Variants in PRR5L observed in about 807,000 individuals in gnomAD.
The protein encoded by PRR5L is proline-rich protein 5-like.
A neutral mutation model predicts 36.4 loss-of-function variants in PRR5L; 21 were observed. The observed-to-expected ratio is 0.58, with a 90% CI of 0.41 to 0.83. PRR5L has a LOEUF of 0.83. Ranked by LOEUF, PRR5L falls within the 40% of genes least tolerant of loss-of-function variation. The pLI is 0.00. For synonymous variants in PRR5L, 188 were observed against 197.0 expected (o/e 0.95, Z 0.38); for missense variants, 381 against 473.3 (o/e 0.80, Z 1.81).
In PRR5L at chr11:36,464,220, C is replaced by A. The variant is rs1410052098; in HGVS notation, c.*1484C>A. 1 of 152,124 alleles carries A rather than the reference C, an allele frequency of 6.6e-6. No individual in the cohort carries two copies. 9.4% of individuals were successfully genotyped at this position (152,124 alleles called of 1,614,324 possible). On this transcript the variant is annotated 3_prime_UTR_variant, in exon 9 of 9. Coordinates refer to ENST00000530639, the MANE Select transcript of PRR5L (RefSeq NM_001160167.2). ...AAAAAGACAAGGCTCCCCCTCTGAC[C>A]CTTCCTGTTGGTATTTATGAAATCT...
chr11:36,458,586 C>T (rs952962174), intron 8 of PRR5L, among the ~76,000 whole-genome samples: 3 of 152,234 alleles, frequency 2.0e-5, no homozygotes, highest in Non-Finnish European at 4.4e-5. Context: ...ACACACACAA[C>T]AGTCCGATGA....
intron 3 of PRR5L, among the ~76,000 whole-genome samples, chr11:36,417,412 C>G (rs1858167792): frequency 6.6e-6 from 1 of 152,220 alleles, no homozygotes; most frequent in South Asian, 2.1e-4. Flanking sequence ...AGAGACATGT[C>G]TAGCCTCTGC....
At chr11:36,335,438 T>C (rs1339284365) in intron 1 of PRR5L, among the ~76,000 whole-genome samples, 1 of 152,058 alleles carries the variant, frequency 6.6e-6, no homozygotes, top group Non-Finnish European at 1.5e-5. Flanking sequence ...TGGGGGGTAA[T>C]GTGAAATGAG....
chr11:36,378,870 T>G (rs192750922), intron 1 of PRR5L, among the ~76,000 whole-genome samples: 30 of 152,322 alleles, frequency 2.0e-4, no homozygotes, highest in Non-Finnish European at 7.3e-5. Flanking sequence ...TTTAAGTAAT[T>G]TGTCTAAAGC....
At chr11:36,458,786 G>C (rs1358892832) in intron 8 of PRR5L, among the ~76,000 whole-genome samples, 1 of 152,234 alleles carries the variant, frequency 6.6e-6, no homozygotes, top group Admixed American at 6.5e-5. Flanking sequence ...AGCATGGTTT[G>C]CTTTCCTCTT....
intron 1 of PRR5L, among the ~76,000 whole-genome samples, chr11:36,356,417 G>C (rs1184670700): frequency 6.6e-6 from 1 of 152,102 alleles, no homozygotes; most frequent in Non-Finnish European, 1.5e-5. Context: ...CAAGGGAGTT[G>C]AGGGAAGTGA....
At chr11:36,404,802 A>G (rs1857875771) in intron 3 of PRR5L, among the ~76,000 whole-genome samples, 1 of 152,182 alleles carries the variant, frequency 6.6e-6, no homozygotes, top group Non-Finnish European at 1.5e-5. Flanking sequence ...TGAATTTCAC[A>G]TCTTACTTAC....
chr11:36,347,011 T>C (rs955685341), intron 1 of PRR5L, among the ~76,000 whole-genome samples: 7 of 152,262 alleles, frequency 4.6e-5, no homozygotes, highest in Admixed American at 4.6e-4. Flanking sequence ...TCAGATTTTG[T>C]CTACCAGTCA....
At chr11:36,410,656 T>A (rs575948732) in intron 3 of PRR5L, among the ~76,000 whole-genome samples, 6 of 152,340 alleles carry the variant, frequency 3.9e-5, no homozygotes, top group Admixed American at 2.0e-4. Context: ...TTCTCACTAT[T>A]CCCACTGCCA....
intron 5 of PRR5L, 143 bp from the exon 6 acceptor site, chr11:36,437,242 C>A: frequency 1.3e-6 from 1 of 751,148 alleles, no homozygotes; most frequent in South Asian, 1.4e-5. Flanking sequence ...CCTCTGCTCT[C>A]TGGGCTTTAA....
intron 1 of PRR5L, among the ~76,000 whole-genome samples, chr11:36,380,812 T>C (rs1380689908): frequency 2.0e-5 from 3 of 152,156 alleles, no homozygotes; most frequent in Non-Finnish European, 4.4e-5. Context: ...TCCCCCCCTT[T>C]TAAAAAATAT....
intron 1 of PRR5L, among the ~76,000 whole-genome samples, chr11:36,307,432 T>C (rs542220381): frequency 6.6e-6 from 1 of 152,314 alleles, no homozygotes; most frequent in South Asian, 2.1e-4. Context: ...AATGAGGACA[T>C]AGGGCAAGCT....
chr11:36,296,950 G>A (rs1213647787), intron 1 of PRR5L, among the ~76,000 whole-genome samples: 1 of 152,032 alleles, frequency 6.6e-6, no homozygotes, highest in African/African-American at 2.4e-5. Context: ...AATAAACCAA[G>A]GTCATCACAA....
At chr11:36,402,082 C>A (rs371103321) in intron 2 of PRR5L, among the ~76,000 whole-genome samples, 1 of 152,176 alleles carries the variant, frequency 6.6e-6, no homozygotes, top group African/African-American at 2.4e-5. Flanking sequence ...GTCTAGCCAA[C>A]CTTTTGTGCA....
chr11:36,357,297 C>T (rs1857038100), intron 1 of PRR5L, among the ~76,000 whole-genome samples: 1 of 152,204 alleles, frequency 6.6e-6, no homozygotes, highest in Non-Finnish European at 1.5e-5. Context: ...GTCTCCATTA[C>T]ATAAAAGTGC....
chr11:36,384,522 A>C (rs996108890), intron 1 of PRR5L, among the ~76,000 whole-genome samples: 1 of 152,030 alleles, frequency 6.6e-6, no homozygotes, highest in African/African-American at 2.4e-5. Context: ...TGGAATCATT[A>C]CCTCCATGAA....
At chr11:36,350,998 A>ATATATATT (rs1156369402) in intron 1 of PRR5L, among the ~76,000 whole-genome samples, 6 of 51,762 alleles carry the variant, frequency 1.2e-4, no homozygotes, top group African/African-American at 2.5e-4. Context: ...TTATATATTT[A>ATATATATT]TATATATTTA....
intron 1 of PRR5L, among the ~76,000 whole-genome samples, chr11:36,378,846 T>C (rs938011602): frequency 2.0e-5 from 3 of 152,188 alleles, no homozygotes; most frequent in African/African-American, 7.2e-5. Context: ...ATGAGCCCAC[T>C]GAGGCTTGGA....
At chr11:36,390,822 C>T (rs1857549618) in intron 1 of PRR5L, among the ~76,000 whole-genome samples, 1 of 152,158 alleles carries the variant, frequency 6.6e-6, no homozygotes, top group Non-Finnish European at 1.5e-5. Context: ...TGTCAAGTGC[C>T]CGCCTCACAG....
Sources: gnomAD v4.1 joint callset for allele counts (sites outside exome capture counted in the v4.1 genomes callset) on GRCh38, gnomAD v4.1.1 for gene constraint, MANE v1.5 for transcripts, NCBI Gene and HGNC (gene_info 2026-07-23, HGNC 2026-07-21) for gene names.